IFNLR1: variants seen among roughly 807,000 people sequenced by gnomAD.
The protein encoded by IFNLR1 is interferon lambda receptor 1, also known as CRF2-12.
IFNLR1 carries 28 observed loss-of-function variants against 52.5 expected under a neutral mutation model. That is an observed-to-expected ratio of 0.53 (90% CI 0.40 to 0.73). The LOEUF (loss-of-function observed/expected upper bound fraction) is 0.73, where lower values mean the gene tolerates loss of function less well. IFNLR1 is among the 30% of genes least tolerant of loss of function. The pLI is 0.00. For missense variants in IFNLR1, 623 were observed against 659.1 expected (o/e 0.95, Z 0.60); for synonymous variants, 276 against 274.9 (o/e 1.00, Z -0.04).
At chr1:24,175,329 CA>C (rs1644621166) in intron 2 of IFNLR1, among the ~76,000 whole-genome samples, 1 of 152,236 alleles carries the variant, frequency 6.6e-6, no homozygotes, top group African/African-American at 2.4e-5. Flanking sequence ...CCAGTGGGCC[CA>C]AAGGGCAGAG....
chr1:24,162,145 C>G (rs899184298), intron 3 of IFNLR1, among the ~76,000 whole-genome samples: 2 of 152,240 alleles, frequency 1.3e-5, no homozygotes, highest in African/African-American at 4.8e-5. Context: ...CTCTGGGTCT[C>G]ACATCTGGAA....
intron 3 of IFNLR1, among the ~76,000 whole-genome samples, chr1:24,162,594 G>A (rs965716347): frequency 6.6e-6 from 1 of 152,204 alleles, no homozygotes; most frequent in Non-Finnish European, 1.5e-5. Flanking sequence ...CAAGAGCATG[G>A]CACTGGCATC....
At chr1:24,185,940 C>G (rs978314777) in intron 1 of IFNLR1, among the ~76,000 whole-genome samples, 7 of 152,240 alleles carry the variant, frequency 4.6e-5, no homozygotes, top group African/African-American at 1.7e-4. Context: ...CAGATGCTAA[C>G]TAACTTGCCT....
intron 2 of IFNLR1, among the ~76,000 whole-genome samples, chr1:24,170,682 CTGG>C (rs974851846): frequency 6.6e-6 from 1 of 152,206 alleles, no homozygotes; most frequent in African/African-American, 2.4e-5. Context: ...CAAGATCACT[CTGG>C]TCAACCAGCA....
At chr1:24,168,730 A>G (rs2148594556) in intron 3 of IFNLR1, among the ~76,000 whole-genome samples, 1 of 151,746 alleles carries the variant, frequency 6.6e-6, no homozygotes, top group South Asian at 2.1e-4. Context: ...TTGCAAACAG[A>G]ATTTGTTTTT....
At chr1:24,159,418 C>T (rs1431516199) in intron 5 of IFNLR1, 56 bp downstream of exon 5, 15 of 1,528,430 alleles carry the variant, frequency 9.8e-6, no homozygotes, top group Admixed American at 6.8e-5. Context: ...CACTGTGTCA[C>T]GAAGCTCCCA....
Position 24,159,547 on chromosome 1 carries a change from T to A in IFNLR1, c.597A>T (p.Arg199Ser). ...TCGGGACACTGAACGTGTAGATGGT[T>A]CTGGCACTGAGGCAGTGGTGTTCGC... ...AASEHHCLSARTIYTFSVPKY... is the reference protein window; with the variant it reads ...AASEHHCLSASTIYTFSVPKY... The change falls in exon 5 of 7, where the codon AGA (arginine) becomes AGT (serine). Residue 199 changes from arginine (R) to serine (S), a missense_variant. Transcript: ENST00000327535. The A allele has an allele frequency of 6.2e-7, 1 of 1,613,754 alleles. No homozygotes were observed. Among genetic ancestry groups the A allele is most frequent in the Non-Finnish European group, 8.5e-7 (1 of 1,179,906 alleles).
At chr1:24,169,699 A>G (rs1258262760) in intron 2 of IFNLR1, 98 bp from the exon 3 acceptor site, 1 of 1,321,424 alleles carries the variant, frequency 7.6e-7, no homozygotes, top group Non-Finnish European at 1.0e-6. Flanking sequence ...GTTTGGCTGG[A>G]CTGACTTTAG....
At chr1:24,159,364 G>C (rs1466885614) in intron 5 of IFNLR1, 110 bp downstream of exon 5, 2 of 1,271,526 alleles carry the variant, frequency 1.6e-6, no homozygotes, top group African/African-American at 2.9e-5. Context: ...CAATGAGTGT[G>C]GTTTTAATCC....
intron 1 of IFNLR1, 81 bp from the exon 2 acceptor site, chr1:24,180,935 G>A (rs1460911567): frequency 1.4e-5 from 20 of 1,442,136 alleles, no homozygotes; most frequent in Admixed American, 2.0e-5. Flanking sequence ...GGGGCAGCAC[G>A]AAGGGCAAGC....
In IFNLR1 at chr1:24,169,491, C is replaced by T; in HGVS notation, c.293G>A (p.Gly98Glu). The T allele has an allele frequency of 6.2e-7, 1 of 1,614,200 alleles. No individual in the cohort carries two copies. Among genetic ancestry groups the T allele is most frequent in the Non-Finnish European group, 8.5e-7 (1 of 1,180,032 alleles). The change falls in exon 3 of 7, where the codon GGA (glycine) becomes GAA (glutamate). Residue 98 changes from glycine to glutamate, a missense_variant. Gly to Glu is a moderately conservative substitution (Grantham distance 98, BLOSUM62 -2). Coordinates refer to ENST00000327535, the MANE Select transcript of IFNLR1 (RefSeq NM_170743.4). ...GCTGGGAGAAACCGTCCGCACGCGT[C>T]CCTTGAACTTGTTGTACAGGTCCTG... ...KKQDLYNKFK[G>E]RVRTVSPSSK...
At chr1:24,159,338 G>A in intron 5 of IFNLR1, 136 bp downstream of exon 5, 2 of 1,228,014 alleles carry the variant, frequency 1.6e-6, no homozygotes, top group Non-Finnish European at 2.3e-6. Flanking sequence ...CATTATGTAA[G>A]CTGCCCAAAG....
chr1:24,180,671 C>CG, intron 2 of IFNLR1, 60 bp downstream of exon 2: 1 of 1,249,090 alleles, frequency 8.0e-7, no homozygotes, highest in Non-Finnish European at 1.1e-6. Flanking sequence ...AGAGAAGCCC[C>CG]TCCAGCCCCC....
At position 24,156,772 on chromosome 1, in the gene IFNLR1, C is replaced by T. The variant is rs1482828207; in HGVS notation, c.*358G>A. On this transcript the variant is annotated 3_prime_UTR_variant, in exon 7 of 7. Transcript: ENST00000327535. ...TTCCAGAGGGCCCCTTGGTGGTGTCCGCCCTTGATGTCCGCAGTGACCTGA... is the reference window on the plus strand; with the variant it reads ...TTCCAGAGGGCCCCTTGGTGGTGTCTGCCCTTGATGTCCGCAGTGACCTGA... 3.1e-5 allele frequency: 7 copies of T among 226,134 alleles called. No homozygotes were observed. Among genetic ancestry groups the T allele is most frequent in the Non-Finnish European group, 6.0e-5 (7 of 117,316 alleles). The allele number at this position is 226,134 out of a possible 1,614,324, so 14.0% of individuals were successfully genotyped here. A position where few individuals can be genotyped will look rare whatever the true frequency, so the allele number is the denominator to read the frequency against.
intron 2 of IFNLR1, among the ~76,000 whole-genome samples, chr1:24,170,600 C>G (rs1158474927): frequency 2.0e-5 from 3 of 152,120 alleles, no homozygotes; most frequent in African/African-American, 7.2e-5. Context: ...CCTCAGGTGA[C>G]CCACCCGCTT....
intron 3 of IFNLR1, 47 bp downstream of exon 3, chr1:24,169,370 C>G (rs761161910): frequency 1.3e-6 from 2 of 1,549,068 alleles, no homozygotes; most frequent in Non-Finnish European, 1.8e-6. Flanking sequence ...CACAGCTCCC[C>G]GATGGGATGG....
intron 3 of IFNLR1, among the ~76,000 whole-genome samples, chr1:24,166,496 CCCACCCATCTCAT>C (rs146708331): frequency 0.035 from 5,340 of 152,062 alleles, 266 homozygotes; most frequent in African/African-American, 0.12. Context: ...ATACTATCTA[CCCACCCATCTCAT>C]CCACCCATCT....
chr1:24,187,181 G>A lies in IFNLR1; in HGVS notation c.58+10C>T, dbSNP rs1171518901. The A allele has an allele frequency of 1.5e-6, 2 of 1,360,006 alleles. No individual in the cohort carries two copies. The highest frequency in any genetic ancestry group is 1.7e-5 in the South Asian group (1 of 59,624). The allele number at this position is 1,360,006 out of a possible 1,614,324, so 84.2% of individuals were successfully genotyped here. On this transcript the variant is annotated intron_variant, in intron 1 of 6. Transcript: ENST00000327535. ...TCTTCCCCCTCCCTCCCGCGGCCCC[G>A]CGCCCTTACCTGGAGCGGCCTGCAG...
chr1:24,162,756 CT>C (rs1557643816), intron 3 of IFNLR1, among the ~76,000 whole-genome samples: 1 of 36,784 alleles, frequency 2.7e-5, no homozygotes, highest in Non-Finnish European at 5.5e-5. Context: ...TTCTTTCTTT[CT>C]TTCTTTCTTT....
Sources: gnomAD v4.1 joint callset for allele counts (sites outside exome capture counted in the v4.1 genomes callset) on GRCh38, gnomAD v4.1.1 for gene constraint, MANE v1.5 for transcripts, NCBI Gene and HGNC (gene_info 2026-07-23, HGNC 2026-07-21) for gene names.